The following CCDC146 variants were observed in gnomAD, a reference collection of about 807,000 sequenced individuals.
CCDC146 encodes coiled-coil domain containing 146.
CCDC146 carries 92 observed loss-of-function variants against 119.3 expected under a neutral mutation model. That is an observed-to-expected ratio of 0.77 (90% CI 0.65 to 0.92). The LOEUF is 0.92. Ranked by LOEUF, CCDC146 falls within the 40% of genes least tolerant of loss-of-function variation. CCDC146 has a pLI of 0.00. For missense variants in CCDC146, 1,000 were observed against 1,103.0 expected, an observed-to-expected ratio of 0.91 and a Z score of 1.32; for synonymous variants, 372 against 371.8, an observed-to-expected ratio of 1.00 and a Z score of -0.01.
intron 2 of CCDC146, among the ~76,000 whole-genome samples, chr7:77,171,607 T>G (rs1220567501): frequency 6.6e-6 from 1 of 152,244 alleles, no homozygotes; most frequent in Non-Finnish European, 1.5e-5. Flanking sequence ...TTCATGCGTT[T>G]GGTTTCACCT....
At chr7:77,275,230 G>A (rs547953847) in intron 11 of CCDC146, among the ~76,000 whole-genome samples, 1 of 152,152 alleles carries the variant, frequency 6.6e-6, no homozygotes, top group East Asian at 1.9e-4. Context: ...TTTCTTACAG[G>A]TGAGTTCCAC....
chr7:77,191,635 G>A (rs1041221016), intron 2 of CCDC146, among the ~76,000 whole-genome samples: 6 of 152,262 alleles, frequency 3.9e-5, no homozygotes, highest in Middle Eastern at 3.4e-3. Context: ...AGGGCCTGGC[G>A]CAGTGGCTCA....
intron 1 of CCDC146, among the ~76,000 whole-genome samples, chr7:77,163,975 T>G (rs1791304306): frequency 6.6e-6 from 1 of 150,452 alleles, no homozygotes; most frequent in Admixed American, 6.7e-5. Context: ...TTCTCCTGCC[T>G]CAGCCTCCCA....
rs192459893 is a variant in CCDC146 at position 77,146,984 on chromosome 7, G to C, written c.-11-20674G>C. ...CTTGCTAGGTTGGGGAAGTTCTCCT[G>C]GAAAATATCCTGCAGAGTGTTTTCC... On this transcript the variant is annotated intron_variant, in intron 1 of 18. Transcript: ENST00000285871. Among the ~76,000 whole-genome samples, 318 of 152,248 alleles carry C rather than the reference G, an allele frequency of 2.1e-3. 5 individuals carry two copies. The highest frequency in any genetic ancestry group is 0.012 in the East Asian group (62 of 5,180).
At chr7:77,170,322 G>T (rs1035769065) in intron 2 of CCDC146, among the ~76,000 whole-genome samples, 5 of 150,192 alleles carry the variant, frequency 3.3e-5, no homozygotes, top group African/African-American at 9.7e-5. Context: ...CTCCTATATG[G>T]TTGCATAGTA....
At chr7:77,286,760 G>T in intron 15 of CCDC146, 38 bp from the exon 16 acceptor site, 1 of 1,606,218 alleles carries the variant, frequency 6.2e-7, no homozygotes, top group South Asian at 1.1e-5. Context: ...AACTGAGCTA[G>T]AGCGTTCATT....
chr7:77,134,928 T>C (rs1790840391), intron 1 of CCDC146, among the ~76,000 whole-genome samples: 1 of 152,196 alleles, frequency 6.6e-6, no homozygotes, highest in African/African-American at 2.4e-5. Context: ...TGTACAACAA[T>C]AAATGCAGTA....
intron 4 of CCDC146, among the ~76,000 whole-genome samples, chr7:77,246,055 C>T (rs1236341452): frequency 2.0e-5 from 3 of 151,764 alleles, no homozygotes; most frequent in Admixed American, 6.6e-5. Flanking sequence ...ACCGCCCCCA[C>T]CCAAAGTGAC....
intron 17 of CCDC146, among the ~76,000 whole-genome samples, chr7:77,289,625 A>G (rs1177558517): frequency 6.6e-6 from 1 of 152,234 alleles, no homozygotes; most frequent in Non-Finnish European, 1.5e-5. Flanking sequence ...CAAGTATTAC[A>G]TAGTCGAACA....
chr7:77,141,317 A>T (rs1347671509), intron 1 of CCDC146, among the ~76,000 whole-genome samples: 1 of 152,136 alleles, frequency 6.6e-6, no homozygotes, highest in Admixed American at 6.5e-5. Context: ...CCAGTCTATC[A>T]CTGATGGGCA....
chr7:77,124,224 C>A (rs1790663515), intron 1 of CCDC146, among the ~76,000 whole-genome samples: 2 of 152,128 alleles, frequency 1.3e-5, no homozygotes, highest in African/African-American at 2.4e-5. Flanking sequence ...CAAACAAAAA[C>A]CAAATAGAAT....
Position 77,262,127 on chromosome 7 carries a change from C to A in CCDC146, c.993C>A (p.Ile331=). The A allele has an allele frequency of 6.3e-7, 1 of 1,599,522 alleles. No homozygotes were observed. The highest frequency in any genetic ancestry group is 8.5e-7 in the Non-Finnish European group (1 of 1,173,028). The part of the protein sequence containing the change: ...NEATSLTERG[I]LDLNLRNSLI... Reference sequence around the variant, plus strand: ...CTTCCTTTACCTGGAACAGAGGGATCTTGGATCTCAATTTACGCAACAGTC... The same window carrying A: ...CTTCCTTTACCTGGAACAGAGGGATATTGGATCTCAATTTACGCAACAGTC... Residue 331 remains isoleucine (I), a synonymous_variant, in exon 9 of 19, where the codon ATC becomes ATA. Coordinates refer to ENST00000285871, the MANE Select transcript of CCDC146 (RefSeq NM_020879.3).
chr7:77,199,124 A>G, intron 2 of CCDC146: 3 of 1,432,688 alleles, frequency 2.1e-6, no homozygotes, highest in South Asian at 1.3e-5. Flanking sequence ...GTTTATAGAT[A>G]CTCTCTAGCT....
At chr7:77,158,594 A>C (rs907668237) in intron 1 of CCDC146, among the ~76,000 whole-genome samples, 6 of 151,990 alleles carry the variant, frequency 3.9e-5, no homozygotes, top group African/African-American at 1.2e-4. Flanking sequence ...ATCTCGGCTC[A>C]CTGCAACCTC....
intron 9 of CCDC146, among the ~76,000 whole-genome samples, chr7:77,264,448 A>G (rs1220559389): frequency 1.3e-5 from 2 of 152,084 alleles, no homozygotes; most frequent in Non-Finnish European, 2.9e-5. Context: ...TAGTAGAGAC[A>G]GGCTTTCACT....
chr7:77,228,154 T>C (rs1476850062), intron 2 of CCDC146, among the ~76,000 whole-genome samples: 1 of 152,206 alleles, frequency 6.6e-6, no homozygotes, highest in Non-Finnish European at 1.5e-5. Context: ...TTCTAGACCA[T>C]TATATATTTT....
intron 2 of CCDC146, chr7:77,198,970 C>A: frequency 1.8e-6 from 1 of 548,132 alleles, no homozygotes. Flanking sequence ...AAGTGACTTC[C>A]AGTGGATACA....
chr7:77,193,811 T>C (rs1482948803), intron 2 of CCDC146: 3 of 152,544 alleles, frequency 2.0e-5, no homozygotes, highest in Admixed American at 2.0e-4. Context: ...TAACAAATAT[T>C]AGCCATCAAA....
At chr7:77,130,897 CTT>C (rs762843718) in intron 1 of CCDC146, among the ~76,000 whole-genome samples, 10 of 131,620 alleles carry the variant, frequency 7.6e-5, no homozygotes, top group Non-Finnish European at 8.1e-5. Context: ...GCGCCCGGCC[CTT>C]TTTTTTTTTT....
Sources: allele counts gnomAD v4.1 joint callset (sites outside exome capture counted in the v4.1 genomes callset), GRCh38; gene constraint gnomAD v4.1.1; transcripts MANE v1.5; gene names NCBI Gene and HGNC (gene_info 2026-07-23, HGNC 2026-07-21).